Variants in CD96 observed in about 807,000 individuals in gnomAD.
CD96 encodes the protein CD96 molecule, also known as T-cell surface protein tactile.
CD96 carries 70 observed loss-of-function variants against 71.3 expected under a neutral mutation model. The observed-to-expected ratio is 0.98, with a 90% CI of 0.81 to 1.20. CD96 has a LOEUF of 1.20. CD96 is among the 50% of genes most tolerant of loss of function. The probability of loss-of-function intolerance (pLI) is 0.00; values close to 1 mark genes in which losing one functional copy is unlikely to be tolerated. For synonymous variants in CD96, 248 were observed against 233.0 expected (o/e 1.06, Z -0.59); for missense variants, 742 against 677.5 (o/e 1.10, Z -1.06).
intron 10 of CD96, among the ~76,000 whole-genome samples, chr3:111,627,445 C>T (rs1165729066): frequency 6.6e-6 from 1 of 152,156 alleles, no homozygotes; most frequent in Non-Finnish European, 1.5e-5. Context: ...CTGGGAGGGT[C>T]CTCCCAGCCA....
intron 8 of CD96, among the ~76,000 whole-genome samples, chr3:111,618,405 T>G (rs574837127): frequency 6.6e-6 from 1 of 152,096 alleles, no homozygotes; most frequent in Non-Finnish European, 1.5e-5. Context: ...ATTAGGAGAA[T>G]CAAATGTGAA....
intron 7 of CD96, among the ~76,000 whole-genome samples, chr3:111,602,289 A>G (rs1937518404): frequency 6.6e-6 from 1 of 152,186 alleles, no homozygotes; most frequent in Admixed American, 6.5e-5. Context: ...ATATTTTCTG[A>G]TGTTAAAACA....
chr3:111,615,912 CT>C (rs1576393939), intron 8 of CD96, among the ~76,000 whole-genome samples: 1 of 152,316 alleles, frequency 6.6e-6, no homozygotes, highest in East Asian at 1.9e-4. Context: ...TTTCTCTCAT[CT>C]CAGGGCCTTT....
downstream of CD96, among the ~76,000 whole-genome samples, chr3:111,653,821 T>C (rs557291232): frequency 6.6e-6 from 1 of 152,248 alleles, no homozygotes; most frequent in East Asian, 1.9e-4. Context: ...AATTTTTTTT[T>C]TTTATGCCTT....
chr3:111,662,203 G>A (rs1940375249), intron 14 of CD96, among the ~76,000 whole-genome samples: 1 of 152,214 alleles, frequency 6.6e-6, no homozygotes, highest in South Asian at 2.1e-4. Flanking sequence ...GGGATGCAGG[G>A]CACCATGTAC....
chr3:111,639,457 C>T (rs1939493005), intron 12 of CD96, among the ~76,000 whole-genome samples: 1 of 152,182 alleles, frequency 6.6e-6, no homozygotes, highest in South Asian at 2.1e-4. Context: ...CCCCCATCCC[C>T]AACAGCAGTG....
chr3:111,604,139 A>C (rs1326427525), intron 7 of CD96, among the ~76,000 whole-genome samples: 1 of 152,140 alleles, frequency 6.6e-6, no homozygotes, highest in Non-Finnish European at 1.5e-5. Context: ...TAGGTGGATG[A>C]GATAAGGGCT....
chr3:111,559,040 G>C (rs1295568225), intron 2 of CD96, among the ~76,000 whole-genome samples: 1 of 152,180 alleles, frequency 6.6e-6, no homozygotes, highest in Admixed American at 6.5e-5. Context: ...ATTTCTGTGG[G>C]AAAGGTGGTG....
chr3:111,575,609 C>G (rs1355359573), intron 3 of CD96, among the ~76,000 whole-genome samples: 1 of 152,198 alleles, frequency 6.6e-6, no homozygotes, highest in African/African-American at 2.4e-5. Context: ...CTACATGTAA[C>G]AGAATATCTG....
At chr3:111,583,065 G>T (rs1033277594) in intron 4 of CD96, among the ~76,000 whole-genome samples, 6 of 152,164 alleles carry the variant, frequency 3.9e-5, no homozygotes, top group Non-Finnish European at 7.3e-5. Context: ...AAAATCAAAC[G>T]CAAGTTAGTT....
chr3:111,647,522 C>G (rs781507873), intron 12 of CD96, 21 bp from the exon 13 acceptor site: 2 of 1,609,884 alleles, frequency 1.2e-6, no homozygotes, highest in Admixed American at 1.7e-5. Flanking sequence ...TAAAGTTCAT[C>G]TTTCTTTATG....
At chr3:111,607,712 G>A (rs964167349) in intron 8 of CD96, among the ~76,000 whole-genome samples, 2 of 152,184 alleles carry the variant, frequency 1.3e-5, no homozygotes, top group Non-Finnish European at 2.9e-5. Flanking sequence ...TGCAGTCGCT[G>A]TCACAGGTTG....
Position 111,545,325 on chromosome 3 carries a change from G to C in CD96, c.341G>C (p.Gly114Ala), listed in dbSNP as rs1184868721. ...AGGAATATGTCTTGTTCAGTCAGTG[G>C]AAGGTACGAGTGTATGCTTGTTCTG... Reference protein sequence around the residue: ...HLRNMSCSVSGRYECMLVLYP... With the variant: ...HLRNMSCSVSARYECMLVLYP... Residue 114 changes from glycine (G) to alanine (A), a missense_variant, in exon 2 of 14, where the codon GGA becomes GCA. Coordinates refer to ENST00000352690, the MANE Select transcript of CD96 (RefSeq NM_005816.5). 6.2e-6 allele frequency: 10 copies of C among 1,613,962 alleles called. No individual in the cohort carries two copies. Among genetic ancestry groups the C allele is most frequent in the Middle Eastern group, 3.3e-4 (2 of 6,084 alleles).
At chr3:111,574,369 A>C (rs908121034) in intron 3 of CD96, among the ~76,000 whole-genome samples, 27 of 152,224 alleles carry the variant, frequency 1.8e-4, no homozygotes, top group African/African-American at 6.3e-4. Context: ...TTTCAGATTT[A>C]AGATGTTCAA....
intron 12 of CD96, among the ~76,000 whole-genome samples, chr3:111,642,744 T>C (rs1939650120): frequency 6.6e-6 from 1 of 151,662 alleles, no homozygotes; most frequent in South Asian, 2.1e-4. Flanking sequence ...GTGGCAGAGG[T>C]TGCAGTGAGC....
chr3:111,548,030 T>C (rs2107470142), intron 2 of CD96, among the ~76,000 whole-genome samples: 1 of 152,328 alleles, frequency 6.6e-6, no homozygotes, highest in East Asian at 1.9e-4. Flanking sequence ...CTCTTGCTTC[T>C]TCTCCTCTCA....
At chr3:111,545,688 G>A (rs1934360045) in intron 2 of CD96, among the ~76,000 whole-genome samples, 1 of 152,188 alleles carries the variant, frequency 6.6e-6, no homozygotes, top group Admixed American at 6.5e-5. Flanking sequence ...CATAGCTTAA[G>A]TCTAAAGAAT....
intron 8 of CD96, among the ~76,000 whole-genome samples, chr3:111,617,055 C>T (rs1347497240): frequency 1.3e-5 from 2 of 152,330 alleles, no homozygotes; most frequent in African/African-American, 2.4e-5. Flanking sequence ...ACACTTGGGG[C>T]AGCACTGACA....
At chr3:111,582,772 A>G (rs1479024814) in intron 4 of CD96, among the ~76,000 whole-genome samples, 1 of 152,148 alleles carries the variant, frequency 6.6e-6, no homozygotes, top group East Asian at 1.9e-4. Flanking sequence ...ATCTCATGAG[A>G]CTTATTCACT....
Sources: allele counts gnomAD v4.1 joint callset (sites outside exome capture counted in the v4.1 genomes callset), GRCh38; gene constraint gnomAD v4.1.1; transcripts MANE v1.5; gene names NCBI Gene and HGNC (gene_info 2026-07-23, HGNC 2026-07-21).